Variants in WDPCP observed in about 807,000 individuals in gnomAD.
WDPCP encodes WD repeat containing planar cell polarity effector.
Under a neutral mutation model 93.1 loss-of-function variants are expected in WDPCP, and 71 were observed. The observed-to-expected ratio is 0.76, with a 90% confidence interval of 0.63 to 0.93. WDPCP has a LOEUF of 0.93. WDPCP is among the 40% of genes least tolerant of loss of function. WDPCP has a pLI of 0.00. For missense variants in WDPCP, 844 were observed against 887.4 expected (o/e 0.95, Z 0.62); for synonymous variants, 315 against 315.0 (o/e 1.00, Z 0.00).
chr2:63,660,047 C>T (rs531142993), intron 2 of WDPCP, among the ~76,000 whole-genome samples: 1 of 152,282 alleles, frequency 6.6e-6, no homozygotes, highest in African/African-American at 2.4e-5. Flanking sequence ...CAAAGATCCA[C>T]TAAAGTATTT....
intron 13 of WDPCP, among the ~76,000 whole-genome samples, chr2:63,310,196 A>G (rs1342324243): frequency 1.3e-5 from 2 of 152,220 alleles, no homozygotes; most frequent in East Asian, 1.9e-4. Context: ...CTAGGGATTT[A>G]TGCATTATCA....
upstream of WDPCP, chr2:63,590,356 A>G (rs554317877): frequency 1.6e-4 from 25 of 152,226 alleles, 1 homozygote; most frequent in Admixed American, 1.5e-3. Flanking sequence ...ATTTTTCTAT[A>G]TTGTGTCTTA....
At chr2:63,612,132 T>G (rs1709621421) in intron 3 of WDPCP, among the ~76,000 whole-genome samples, 2 of 152,310 alleles carry the variant, frequency 1.3e-5, no homozygotes, top group South Asian at 4.1e-4. Flanking sequence ...ACATTTTACT[T>G]CACGTTTTTT....
chr2:63,123,991 A>G (rs1363225577), intron 17 of WDPCP, among the ~76,000 whole-genome samples: 1 of 150,568 alleles, frequency 6.6e-6, no homozygotes, highest in African/African-American at 2.4e-5. Flanking sequence ...TTATTATTCC[A>G]TTAAATACTA....
chr2:63,730,040 G>A (rs1669537924), intron 2 of WDPCP, among the ~76,000 whole-genome samples: 1 of 152,184 alleles, frequency 6.6e-6, no homozygotes, highest in Non-Finnish European at 1.5e-5. Context: ...TTTGTTGTAA[G>A]GGAGGGAAAG....
At chr2:63,494,281 T>TGAC (rs1701073522) in intron 1 of WDPCP, among the ~76,000 whole-genome samples, 1 of 59,296 alleles carries the variant, frequency 1.7e-5, no homozygotes, top group East Asian at 1.1e-3. Flanking sequence ...ATGATGATGA[T>TGAC]GATGATGACG....
chr2:63,723,459 T>C (rs1463956058), intron 2 of WDPCP, among the ~76,000 whole-genome samples: 1 of 152,244 alleles, frequency 6.6e-6, no homozygotes, highest in Non-Finnish European at 1.5e-5. Flanking sequence ...TAGAATCTTA[T>C]AATTTCTTTG....
chr2:63,279,633 T>G (rs1028979866), intron 13 of WDPCP, among the ~76,000 whole-genome samples: 1 of 152,150 alleles, frequency 6.6e-6, no homozygotes, highest in Non-Finnish European at 1.5e-5. Flanking sequence ...GAGAAAGAAA[T>G]CAAGGGCATC....
intron 2 of WDPCP, among the ~76,000 whole-genome samples, chr2:63,720,906 C>T (rs952081472): frequency 1.3e-5 from 2 of 152,216 alleles, no homozygotes; most frequent in African/African-American, 4.8e-5. Flanking sequence ...GCCAAGTTCC[C>T]CCAGTCAGAA....
intron 6 of WDPCP, among the ~76,000 whole-genome samples, chr2:63,479,673 A>C (rs993638524): frequency 5.9e-5 from 9 of 152,142 alleles, no homozygotes; most frequent in Non-Finnish European, 1.2e-4. Context: ...AATGTAATAA[A>C]AGCCATCTAT....
At chr2:63,240,071 A>G (rs1173365355) in intron 14 of WDPCP, among the ~76,000 whole-genome samples, 1 of 152,072 alleles carries the variant, frequency 6.6e-6, no homozygotes, top group East Asian at 1.9e-4. Context: ...CTGTATCTTT[A>G]TTTTATAATA....
chr2:63,604,907 C>G, intron 3 of WDPCP: 1 of 1,603,414 alleles, frequency 6.2e-7, no homozygotes, highest in Non-Finnish European at 8.5e-7. Flanking sequence ...TAACACTGAG[C>G]GTAAAGAACT....
At chr2:63,155,724 A>C (rs547642144) in intron 15 of WDPCP, among the ~76,000 whole-genome samples, 6 of 152,374 alleles carry the variant, frequency 3.9e-5, no homozygotes, top group South Asian at 4.1e-4. Context: ...GGCCCTTCAC[A>C]GAAAATGTTT....
intron 3 of WDPCP, among the ~76,000 whole-genome samples, chr2:63,601,688 G>A (rs1709421566): frequency 6.6e-6 from 1 of 152,184 alleles, no homozygotes; most frequent in African/African-American, 2.4e-5. Context: ...GGAGCAAGAG[G>A]AGGAGGGCAA....
intron 14 of WDPCP, among the ~76,000 whole-genome samples, chr2:63,227,964 A>G (rs930874113): frequency 2.0e-5 from 3 of 152,140 alleles, no homozygotes; most frequent in African/African-American, 4.8e-5. Context: ...TACCAAGTAT[A>G]GCAAAATTTG....
At chr2:63,431,554 GA>G (rs140153126) in intron 9 of WDPCP, among the ~76,000 whole-genome samples, 26,720 of 136,884 alleles carry the variant, frequency 0.2, 2,968 homozygotes, top group Non-Finnish European at 0.25. Flanking sequence ...GGCTGCTACT[GA>G]AAAAAAAAAA....
At chr2:63,800,745 A>C (rs1198134833) in intron 2 of WDPCP, among the ~76,000 whole-genome samples, 2 of 152,210 alleles carry the variant, frequency 1.3e-5, no homozygotes, top group Non-Finnish European at 2.9e-5. Context: ...ATTACCCTAA[A>C]ATTCAGCAAT....
At chr2:63,157,249 A>T (rs1672323035) in intron 15 of WDPCP, among the ~76,000 whole-genome samples, 1 of 151,924 alleles carries the variant, frequency 6.6e-6, no homozygotes, top group African/African-American at 2.4e-5. Context: ...ATATTACTAA[A>T]TTCTTAATCC....
chr2:63,814,046 A>T (rs1206953141), intron 1 of WDPCP, among the ~76,000 whole-genome samples: 1 of 152,240 alleles, frequency 6.6e-6, no homozygotes. Flanking sequence ...GAAAATATAA[A>T]TTTGATAGGA....
Sources: gnomAD v4.1 joint callset for allele counts (sites outside exome capture counted in the v4.1 genomes callset) on GRCh38, gnomAD v4.1.1 for gene constraint, MANE v1.5 for transcripts, NCBI Gene and HGNC (gene_info 2026-07-23, HGNC 2026-07-21) for gene names.